Variants in NRG3 observed in about 807,000 individuals in gnomAD.
The protein encoded by NRG3 is pro-neuregulin-3, membrane-bound isoform.
A neutral mutation model predicts 66.9 loss-of-function variants in NRG3; 31 were observed. The ratio of observed to expected loss-of-function variants is 0.46; its 90% CI spans 0.35 to 0.63. NRG3 has a LOEUF of 0.63. Among genes scored for constraint, NRG3 ranks in the 20% least tolerant of loss-of-function variants. The pLI is 0.00. For missense variants in NRG3, 910 were observed against 878.9 expected (o/e 1.04, Z -0.45); for synonymous variants, 393 against 359.4 (o/e 1.09, Z -1.06).
chr10:82,918,279 G>C (rs1283322185), intron 4 of NRG3, among the ~76,000 whole-genome samples: 1 of 152,012 alleles, frequency 6.6e-6, no homozygotes, highest in Non-Finnish European at 1.5e-5. Flanking sequence ...TCTGTGTGGA[G>C]AGAGAAAAGA....
At chr10:82,639,681 A>G (rs2050432012) in intron 2 of NRG3, among the ~76,000 whole-genome samples, 1 of 152,212 alleles carries the variant, frequency 6.6e-6, no homozygotes, top group Admixed American at 6.5e-5. Flanking sequence ...TCTTGTTTAT[A>G]TTGGAATCAA....
chr10:82,747,420 A>G (rs1319596791), intron 3 of NRG3, among the ~76,000 whole-genome samples: 1 of 152,024 alleles, frequency 6.6e-6, no homozygotes, highest in African/African-American at 2.4e-5. Context: ...ATATATTTTG[A>G]TAACTTTTCC....
At chr10:82,115,268 T>C (rs2067636821) in intron 1 of NRG3, among the ~76,000 whole-genome samples, 1 of 152,108 alleles carries the variant, frequency 6.6e-6, no homozygotes, top group Admixed American at 6.6e-5. Context: ...TCTCCCTAGA[T>C]ACTGCATAAA....
chr10:82,693,573 AATAATTCCTCTATTAT>A (rs1320988635), intron 2 of NRG3, among the ~76,000 whole-genome samples: 5 of 152,174 alleles, frequency 3.3e-5, no homozygotes, highest in Admixed American at 2.6e-4. Flanking sequence ...CAAAGATAAT[AATAATTCCTCTATTAT>A]ATAATTATGG....
chr10:82,341,291 A>T (rs886701420), intron 1 of NRG3, among the ~76,000 whole-genome samples: 2 of 152,130 alleles, frequency 1.3e-5, no homozygotes, highest in Non-Finnish European at 2.9e-5. Context: ...TGTAGCTTAA[A>T]AGAGTCCAAA....
intron 1 of NRG3, among the ~76,000 whole-genome samples, chr10:82,207,662 A>G (rs773894564): frequency 1.1e-4 from 17 of 152,162 alleles, no homozygotes; most frequent in Non-Finnish European, 2.1e-4. Context: ...ACAATTCCAC[A>G]TGGCTGGGAA....
At chr10:82,368,510 G>C (rs1482111855) in intron 2 of NRG3, among the ~76,000 whole-genome samples, 3 of 137,884 alleles carry the variant, frequency 2.2e-5, no homozygotes, top group African/African-American at 3.4e-5. Flanking sequence ...AGTTCCTGAA[G>C]AAAAAACATG....
At chr10:82,708,725 T>G (rs957390118) in intron 2 of NRG3, among the ~76,000 whole-genome samples, 6 of 152,224 alleles carry the variant, frequency 3.9e-5, no homozygotes, top group Non-Finnish European at 8.8e-5. Context: ...TGTTTTAAAT[T>G]AATATTGAAT....
At chr10:82,449,336 G>A (rs558475920) in intron 2 of NRG3, among the ~76,000 whole-genome samples, 2 of 152,332 alleles carry the variant, frequency 1.3e-5, no homozygotes, top group African/African-American at 4.8e-5. Flanking sequence ...ATATCTGGAA[G>A]AGCCTGTGAG....
At chr10:81,903,216 A>T (rs1412085756) in intron 1 of NRG3, among the ~76,000 whole-genome samples, 1 of 152,092 alleles carries the variant, frequency 6.6e-6, no homozygotes, top group Non-Finnish European at 1.5e-5. Context: ...TTTTTAAAAA[A>T]TTTTTTAGAG....
intron 2 of NRG3, among the ~76,000 whole-genome samples, chr10:82,437,730 T>TTTG (rs1170167836): frequency 6.6e-5 from 10 of 152,218 alleles, no homozygotes; most frequent in Admixed American, 3.3e-4. Flanking sequence ...GTGGGGGCTT[T>TTTG]TTGTTGTTGT....
At chr10:82,618,810 T>C (rs2048839779) in intron 2 of NRG3, among the ~76,000 whole-genome samples, 2 of 152,136 alleles carry the variant, frequency 1.3e-5, no homozygotes, top group African/African-American at 4.8e-5. Context: ...ATATTGAGTA[T>C]GAAAAGTATG....
chr10:82,820,309 T>A (rs998310262), intron 3 of NRG3, among the ~76,000 whole-genome samples: 1 of 152,336 alleles, frequency 6.6e-6, no homozygotes, highest in Non-Finnish European at 1.5e-5. Flanking sequence ...AATAAATACA[T>A]CACAGTGTCT....
rs73320336 is a variant in NRG3 at position 82,123,409 on chromosome 10, G to A, written c.824-235330G>A. Among the ~76,000 whole-genome samples the A allele has an allele frequency of 4.9e-3, 750 of 152,202 alleles. 6 individuals are homozygous for A. Among genetic ancestry groups the A allele is most frequent in the African/African-American group, 0.017 (708 of 41,544 alleles). On this transcript the variant is annotated intron_variant, in intron 1 of 8. Transcript: ENST00000372141. ...GCCTTGAGTTTCGTGCTTTTAAGTA[G>A]AGGTATAGAAAACACAGAGCTTATG...
intron 3 of NRG3, among the ~76,000 whole-genome samples, chr10:82,817,373 A>T (rs939342352): frequency 6.6e-6 from 1 of 152,228 alleles, no homozygotes; most frequent in Admixed American, 6.5e-5. Context: ...TACAAACCTG[A>T]TATGGTAGAT....
intron 2 of NRG3, among the ~76,000 whole-genome samples, chr10:82,414,085 A>T (rs1453792760): frequency 1.3e-5 from 2 of 152,098 alleles, no homozygotes; most frequent in Admixed American, 6.6e-5. Context: ...ACTTGGCTCA[A>T]TGTTTAGCAC....
At chr10:82,240,102 T>C (rs2133984804) in intron 1 of NRG3, among the ~76,000 whole-genome samples, 1 of 152,250 alleles carries the variant, frequency 6.6e-6, no homozygotes, top group South Asian at 2.1e-4. Context: ...TTTTCTGCTT[T>C]AGCCTAGAGT....
intron 2 of NRG3, among the ~76,000 whole-genome samples, chr10:82,516,969 A>AT (rs1372037037): frequency 6.6e-6 from 1 of 152,222 alleles, no homozygotes; most frequent in African/African-American, 2.4e-5. Context: ...TAAAGCATAT[A>AT]TGAAACAATG....
chr10:82,638,025 C>T (rs2050313316), intron 2 of NRG3, among the ~76,000 whole-genome samples: 1 of 152,154 alleles, frequency 6.6e-6, no homozygotes, highest in Admixed American at 6.5e-5. Flanking sequence ...AAAAAACATT[C>T]CTTTCACTAT....
Sources: gnomAD v4.1 joint callset for allele counts (sites outside exome capture counted in the v4.1 genomes callset) on GRCh38, gnomAD v4.1.1 for gene constraint, MANE v1.5 for transcripts, NCBI Gene and HGNC (gene_info 2026-07-23, HGNC 2026-07-21) for gene names.